The following SUSD4 variants were observed in gnomAD, a reference collection of about 807,000 sequenced individuals.
SUSD4 encodes sushi domain-containing protein 4.
SUSD4 carries 41 observed loss-of-function variants against 50.5 expected under a neutral mutation model. The observed-to-expected ratio is 0.81, with a 90% CI of 0.63 to 1.05. SUSD4 has a LOEUF of 1.05. SUSD4 is among the 50% of genes least tolerant of loss of function. SUSD4 has a pLI of 0.00. For missense variants in SUSD4, 580 were observed against 634.7 expected, an observed-to-expected ratio of 0.91 and a Z score of 0.93; for synonymous variants, 257 against 257.3, an observed-to-expected ratio of 1.00 and a Z score of 0.01.
intron 5 of SUSD4, among the ~76,000 whole-genome samples, chr1:223,245,735 A>T (rs1184485887): frequency 1.3e-5 from 2 of 152,328 alleles, no homozygotes; most frequent in Non-Finnish European, 2.9e-5. Flanking sequence ...TGGAGAGATG[A>T]TGGCGGCCTG....
At chr1:223,363,687 A>G in intron 1 of SUSD4, 1 of 476,170 alleles carries the variant, frequency 2.1e-6, no homozygotes, top group Non-Finnish European at 3.7e-6. Context: ...TGGGGGATGG[A>G]GGACAGGAGG....
chr1:223,268,638 A>G lies in SUSD4; in HGVS notation c.399T>C (p.His133=). ...RIPQIEDAEI[H]NKTYRHGEKL... ...TCTCTCCATGTCTATATGTCTTGTT[A>G]TGAATCTCAGCATCTTCGATTTGAG... The change falls in exon 4 of 9, where the codon CAT becomes CAC. Residue 133 remains histidine, a synonymous_variant. Transcript: ENST00000366878. The G allele has an allele frequency of 6.2e-7, 1 of 1,613,692 alleles. No homozygotes were observed. The highest frequency in any genetic ancestry group is 8.5e-7 in the Non-Finnish European group (1 of 1,179,894).
At chr1:223,359,620 T>A (rs925360463) in intron 2 of SUSD4, among the ~76,000 whole-genome samples, 5 of 152,234 alleles carry the variant, frequency 3.3e-5, no homozygotes, top group Non-Finnish European at 7.3e-5. Flanking sequence ...CAATCAAAAT[T>A]AGCTGAACAT....
intron 3 of SUSD4, among the ~76,000 whole-genome samples, chr1:223,277,215 A>G (rs1022225378): frequency 1.3e-5 from 2 of 152,230 alleles, no homozygotes; most frequent in African/African-American, 2.4e-5. Context: ...ACATCAAATT[A>G]TTCATCTTTT....
chr1:223,341,595 G>A (rs183625638), intron 2 of SUSD4, among the ~76,000 whole-genome samples: 1 of 152,212 alleles, frequency 6.6e-6, no homozygotes, highest in Admixed American at 6.5e-5. Context: ...CCACTGACGG[G>A]GCACCCAAGT....
rs115167840 is a variant in SUSD4 at position 223,322,926 on chromosome 1, C to G, written c.149-30275G>C. ...CAGCCTTTACACAATTACAGCTAAG[C>G]CTTTCCCCAAGGAAGAAAAGCAGAG... On this transcript the variant is annotated intron_variant, in intron 2 of 8. Transcript: ENST00000366878. Among the ~76,000 whole-genome samples the G allele has an allele frequency of 2.4e-3, 367 of 152,270 alleles. 3 individuals carry two copies. The highest frequency in any genetic ancestry group is 8.4e-3 in the African/African-American group (347 of 41,542).
chr1:223,271,022 T>C (rs1414048388), intron 3 of SUSD4, among the ~76,000 whole-genome samples: 1 of 152,186 alleles, frequency 6.6e-6, no homozygotes, highest in Admixed American at 6.5e-5. Context: ...AAAATGTGAA[T>C]TACGTTTTTT....
chr1:223,244,205 T>C (rs113717781), intron 5 of SUSD4, among the ~76,000 whole-genome samples: 1,615 of 152,296 alleles, frequency 0.011, 28 homozygotes, highest in African/African-American at 0.036. Flanking sequence ...AGATGTTCTT[T>C]TATGCACAGT....
chr1:223,313,509 T>C (rs1666001876), intron 2 of SUSD4, among the ~76,000 whole-genome samples: 1 of 152,144 alleles, frequency 6.6e-6, no homozygotes, highest in Non-Finnish European at 1.5e-5. Context: ...CTGAGTTCTG[T>C]GAGTTGTTCT....
rs1427018656 is a variant in SUSD4 at position 223,223,491 on chromosome 1, C to A, written c.1202G>T (p.Gly401Val). 1.2e-6 allele frequency: 2 copies of A among 1,613,406 alleles called. No individual in the cohort carries two copies. The highest frequency in any genetic ancestry group is 1.6e-4 in the Middle Eastern group (1 of 6,084). Residue 401 changes from glycine (G) to valine (V), a missense_variant, in exon 8 of 9, where the codon GGC (glycine) becomes GTC (valine). By Grantham distance (109) the Gly-to-Val change is moderately radical. Coordinates refer to ENST00000366878, the MANE Select transcript of SUSD4 (RefSeq NM_017982.4). ...CTGGTCGTCCACGGGTAAGGGGCAGCCCTGGCCCACAGAGGCCATGTACCC... is the reference window on the plus strand; with the variant it reads ...CTGGTCGTCCACGGGTAAGGGGCAGACCTGGCCCACAGAGGCCATGTACCC... ...GPGYMASVGQ[G>V]CPLPVDDQSP...
chr1:223,246,300 T>A (rs1660923143), intron 5 of SUSD4, among the ~76,000 whole-genome samples: 1 of 152,058 alleles, frequency 6.6e-6, no homozygotes, highest in Non-Finnish European at 1.5e-5. Flanking sequence ...TTTGGCCAAA[T>A]GGGAGTCAGT....
intron 2 of SUSD4, among the ~76,000 whole-genome samples, chr1:223,320,253 C>T (rs566295683): frequency 2.6e-5 from 4 of 152,308 alleles, no homozygotes; most frequent in South Asian, 2.1e-4. Context: ...CAATAAATAT[C>T]GCACATCTAA....
intron 4 of SUSD4, among the ~76,000 whole-genome samples, chr1:223,265,806 T>A (rs1662455256): frequency 6.6e-6 from 1 of 152,214 alleles, no homozygotes; most frequent in Admixed American, 6.5e-5. Flanking sequence ...GAGAGAATAA[T>A]GACACTGCAG....
At chr1:223,260,714 G>C (rs1662052914) in intron 5 of SUSD4, among the ~76,000 whole-genome samples, 1 of 152,188 alleles carries the variant, frequency 6.6e-6, no homozygotes, top group Non-Finnish European at 1.5e-5. Flanking sequence ...ACACAGCTAT[G>C]GGGACCCATA....
intron 2 of SUSD4, among the ~76,000 whole-genome samples, chr1:223,302,308 T>C (rs1665248272): frequency 6.6e-6 from 1 of 152,202 alleles, no homozygotes; most frequent in Admixed American, 6.5e-5. Flanking sequence ...TTTATAGCAG[T>C]GTGAGAACAG....
rs148764815 is a variant in SUSD4 at position 223,245,298 on chromosome 1, C to T, written c.725-15910G>A. 3.1e-3 allele frequency among the ~76,000 whole-genome samples: 468 copies of T among 151,214 alleles called. 4 individuals are homozygous for T. The East Asian group carries it at 0.032, about 10-fold the overall frequency. On this transcript the variant is annotated intron_variant, in intron 5 of 8. Transcript: ENST00000366878. ...TATTGGTCTGCAACGTATTAGAAAA[C>T]AGTAACCAAATCACTGGTCCCTTCA...
chr1:223,229,318 G>A lies in SUSD4; in HGVS notation c.795C>T (p.Asn265=), dbSNP rs1044145565. The part of the protein sequence containing the change: ...VCHPRPCERY[N]HGTVVEFYCD... ...AGTAAAACTCCACCACAGTTCCGTG[G>A]TTGTAGCGCTCACAAGGCCGCGGGT... Residue 265 remains asparagine (N), a synonymous_variant, in exon 6 of 9, where the codon AAC becomes AAT. Transcript: ENST00000366878. The surrounding 1 kb of genome is among the most constrained non-coding windows in gnomAD (Gnocchi z 4.7). 3 of 1,611,852 alleles carry A rather than the reference G, an allele frequency of 1.9e-6. No individual in the cohort carries two copies. The highest frequency in any genetic ancestry group is 1.7e-5 in the Admixed American group (1 of 59,990).
intron 2 of SUSD4, among the ~76,000 whole-genome samples, chr1:223,338,709 G>A (rs182475395): frequency 3.3e-5 from 5 of 152,334 alleles, no homozygotes; most frequent in South Asian, 2.1e-4. Context: ...GACAGGCTGC[G>A]CATGCAGCTG....
At chr1:223,242,281 A>G (rs1660635331) in intron 5 of SUSD4, among the ~76,000 whole-genome samples, 1 of 152,196 alleles carries the variant, frequency 6.6e-6, no homozygotes, top group South Asian at 2.1e-4. Flanking sequence ...CAGCATCTCA[A>G]TGAACCCAGA....
Sources: gnomAD v4.1 joint callset for allele counts (sites outside exome capture counted in the v4.1 genomes callset) on GRCh38, gnomAD v4.1.1 for gene constraint, Gnocchi (gnomAD v3.1) non-coding constraint, MANE v1.5 for transcripts, NCBI Gene and HGNC (gene_info 2026-07-23, HGNC 2026-07-21) for gene names.